EMC1: variants seen among roughly 807,000 people sequenced by gnomAD.
EMC1 encodes the protein KIAA0090.
Under a neutral mutation model 128.8 loss-of-function variants are expected in EMC1, and 103 were observed. The observed-to-expected ratio is 0.80, with a 90% CI of 0.68 to 0.94. The LOEUF (loss-of-function observed/expected upper bound fraction) is 0.94. EMC1 is among the 40% of genes least tolerant of loss of function. EMC1 has a pLI of 0.00. For missense variants in EMC1, 1,083 were observed against 1,250.6 expected (o/e 0.87, Z 2.02); for synonymous variants, 442 against 490.4 (o/e 0.90, Z 1.30).
At chr1:19,241,505 A>G (rs710867) in intron 5 of EMC1, among the ~76,000 whole-genome samples, 5,221 of 151,916 alleles carry the variant, frequency 0.034, 295 homozygotes, top group African/African-American at 0.12. Flanking sequence ...AACCCGCCTC[A>G]TAGCATTTTC....
At chr1:19,227,280 C>G (rs1262425787) in intron 18 of EMC1, 33 bp downstream of exon 18, 1 of 1,612,822 alleles carries the variant, frequency 6.2e-7, no homozygotes, top group Admixed American at 1.7e-5. Context: ...TTCGAAAGCC[C>G]TTGCTGTAGA....
rs369995840 is a variant in EMC1 at position 19,235,553 on chromosome 1, T to C, written c.1310-301A>G. Among the ~76,000 whole-genome samples, 9 of 151,938 alleles carry C rather than the reference T, an allele frequency of 5.9e-5. No homozygotes were observed. The East Asian group carries it at 1.2e-3, about 20-fold the overall frequency. ...CCTCTCTACTAAAAATACAAAAAAT[T>C]AGCCAGGCATGATGGTGGGCGCCTG... On this transcript the variant is annotated intron_variant, in intron 12 of 22. Transcript: ENST00000477853.
At chr1:19,232,405 T>C (rs2093530339) in intron 15 of EMC1, among the ~76,000 whole-genome samples, 1 of 152,324 alleles carries the variant, frequency 6.6e-6, no homozygotes, top group East Asian at 1.9e-4. Flanking sequence ...GAGAGCTGGC[T>C]CCCTACATAG....
intron 18 of EMC1, among the ~76,000 whole-genome samples, chr1:19,224,403 T>C (rs1397247843): frequency 6.6e-6 from 1 of 152,190 alleles, no homozygotes; most frequent in East Asian, 1.9e-4. Flanking sequence ...AGCTGAACTG[T>C]TCTAACTCCT....
In EMC1 at chr1:19,231,408, A is replaced by C; in HGVS notation, c.1797T>G (p.Ser599Arg). Residue 599 changes from serine to arginine, a missense_variant, in exon 16 of 23, where the codon AGT becomes AGG. Physicochemically the swap from Ser to Arg is moderately radical, Grantham distance 110. Around this residue, in one of 3 missense-constraint regions of EMC1, gnomAD observed 527 missense variants for 644.1 expected, o/e 0.82. Transcript: ENST00000477853. ...AAATGGGATTGAAGACATACAGAGA[A>C]CTCATTCCCGACTCCTAAAATGAGC... is the stretch of plus-strand genomic sequence containing the variant. Reference protein sequence around the residue: ...LLVKDKESGMSSLYVFNPIFG... With the variant: ...LLVKDKESGMRSLYVFNPIFG... 1 of 1,611,152 alleles carries C rather than the reference A, an allele frequency of 6.2e-7. No homozygotes were observed. Among genetic ancestry groups the C allele is most frequent in the Non-Finnish European group, 8.5e-7 (1 of 1,179,396 alleles).
rs141101462 is a variant in EMC1, at chr1:19,238,986, A to G, written c.1027-129T>C. On this transcript the variant is annotated intron_variant, in intron 9 of 22. Coordinates refer to ENST00000477853, the MANE Select transcript of EMC1 (RefSeq NM_015047.3). ...AAGCTCATTTCTCACCCCTGCCCAC[A>G]AAGCCTATTCAACCCTTAATAGCCC... The G allele has an allele frequency of 6.0e-4, 468 of 781,354 alleles. 2 individuals are homozygous for G. The African/African-American group carries it at 7.0e-3, about 12-fold the overall frequency. The allele number at this position is 781,354 out of a possible 1,614,324, so 48.4% of individuals were successfully genotyped here. A position where few individuals can be genotyped will look rare whatever the true frequency, so the allele number is the denominator to read the frequency against.
intron 9 of EMC1, 93 bp from the exon 10 acceptor site, chr1:19,238,950 G>C (rs961457790): frequency 7.4e-6 from 7 of 943,086 alleles, no homozygotes; most frequent in African/African-American, 6.6e-5. Context: ...CTTAGCACTT[G>C]AGAGAAGACA....
At chr1:19,228,322 C>G (rs2093493287) in intron 17 of EMC1, among the ~76,000 whole-genome samples, 1 of 152,018 alleles carries the variant, frequency 6.6e-6, no homozygotes, top group South Asian at 2.1e-4. Context: ...TATTACTAAA[C>G]TCCAAGATCC....
chr1:19,218,366 T>C lies in EMC1; in HGVS notation c.*937A>G, dbSNP rs1325032492. 6.6e-6 allele frequency: 1 copy of C among 152,230 alleles called. No homozygotes were observed. The highest frequency in any genetic ancestry group is 2.4e-5 in the African/African-American group (1 of 41,468). 9.4% of individuals were successfully genotyped at this position (152,230 alleles called of 1,614,324 possible). A position where few individuals can be genotyped will look rare whatever the true frequency, so the allele number is the denominator to read the frequency against. On this transcript the variant is annotated 3_prime_UTR_variant, in exon 23 of 23. Transcript: ENST00000477853. ...AGGTTAGATCAATAAAATTTAAAAT[T>C]TCCTCATTTAAGGAGAAATATAATG...
chr1:19,219,114 A>C lies in EMC1; in HGVS notation c.*189T>G, dbSNP rs2093412007. ...AGCTGAGAGAGTTCTGTCTCTCTCC[A>C]TGTAGGATCCTTTCTGCATCATGTA... is the stretch of plus-strand genomic sequence containing the variant. On this transcript the variant is annotated 3_prime_UTR_variant, in exon 23 of 23. Transcript: ENST00000477853. 1 of 588,104 alleles carries C rather than the reference A, an allele frequency of 1.7e-6. No homozygotes were observed. Among genetic ancestry groups the C allele is most frequent in the African/African-American group, 1.9e-5 (1 of 53,602 alleles). The allele number at this position is 588,104 out of a possible 1,614,324, so 36.4% of individuals were successfully genotyped here.
intron 8 of EMC1, 176 bp downstream of exon 8, chr1:19,239,642 G>A (rs997891651): frequency 4.4e-5 from 28 of 633,132 alleles, no homozygotes; most frequent in Middle Eastern, 3.8e-4. Context: ...ATACTCAGGA[G>A]GAAATACACC....
At chr1:19,229,498 T>G (rs75097427) in intron 17 of EMC1, 1 of 152,214 alleles carries the variant, frequency 6.6e-6, no homozygotes, top group African/African-American at 2.4e-5. Context: ...TTCACTCAGA[T>G]GATGTCCTCA....
intron 5 of EMC1, among the ~76,000 whole-genome samples, chr1:19,241,812 T>A (rs547139813): frequency 6.0e-4 from 92 of 152,236 alleles, no homozygotes; most frequent in Non-Finnish European, 1.2e-3. Context: ...AGGCCAGAAT[T>A]TGAAGTTTTG....
In EMC1 at chr1:19,238,085, T is replaced by C; in HGVS notation, c.1144A>G (p.Thr382Ala). The C allele has an allele frequency of 6.2e-7, 1 of 1,614,082 alleles. No individual in the cohort carries two copies. Residue 382 changes from threonine to alanine, a missense_variant, in exon 11 of 23, where the codon ACA (threonine) becomes GCA (alanine). By Grantham distance (58) the Thr-to-Ala change is moderately conservative. Coordinates refer to ENST00000477853, the MANE Select transcript of EMC1 (RefSeq NM_015047.3). The part of the protein sequence containing the change: ...TYTINLYLVE[T>A]GRRLLDTTIT... ...GTGGTGTCCAGCAGCCGCCGACCTG[T>C]CTCCACGAGGTATAGGTTAATGGTG...
At chr1:19,223,659 G>A in intron 18 of EMC1, 90 bp from the exon 19 acceptor site, 1 of 1,200,954 alleles carries the variant, frequency 8.3e-7, no homozygotes, top group Non-Finnish European at 1.2e-6. Context: ...GAGCTCTCCA[G>A]CCTGGCAGAG....
chr1:19,220,068 G>C (rs953146315), intron 21 of EMC1: 4 of 216,004 alleles, frequency 1.9e-5, no homozygotes, highest in African/African-American at 9.1e-5. Context: ...CCATTTCTCT[G>C]AAACCTGATT....
At chr1:19,249,235 G>A (rs1446968996) in intron 1 of EMC1, among the ~76,000 whole-genome samples, 2 of 151,794 alleles carry the variant, frequency 1.3e-5, no homozygotes, top group Non-Finnish European at 2.9e-5. Flanking sequence ...GTAGTGTACA[G>A]TAATGTCCTA....
chr1:19,232,847 G>C (rs1209114184), intron 14 of EMC1, 74 bp from the exon 15 acceptor site: 4 of 1,605,808 alleles, frequency 2.5e-6, no homozygotes, highest in Non-Finnish European at 2.6e-6. Flanking sequence ...TTGAAAACTA[G>C]AACCAGTGTT....
intron 1 of EMC1, among the ~76,000 whole-genome samples, chr1:19,246,087 C>T (rs1291246695): frequency 1.3e-5 from 2 of 152,084 alleles, no homozygotes; most frequent in Non-Finnish European, 2.9e-5. Flanking sequence ...CCTGACAAGA[C>T]TCTGTCTCAA....
Sources: gnomAD v4.1 joint callset for allele counts (sites outside exome capture counted in the v4.1 genomes callset) on GRCh38, gnomAD v4.1.1 for gene constraint, gnomAD v4.1.1 regional missense constraint, MANE v1.5 for transcripts, NCBI Gene and HGNC (gene_info 2026-07-23, HGNC 2026-07-21) for gene names.